NCALD: variants seen among roughly 807,000 people sequenced by gnomAD.
NCALD encodes neurocalcin delta.
In NCALD, 10 loss-of-function variants were observed where a neutral mutation model predicts 18.6. That is an observed-to-expected ratio of 0.54 (90% CI 0.33 to 0.91). The LOEUF (loss-of-function observed/expected upper bound fraction) is 0.91, where lower values mean the gene tolerates loss of function less well. NCALD is among the 40% of genes least tolerant of loss of function. NCALD has a pLI of 0.03. For synonymous variants in NCALD, 88 were observed against 87.4 expected (o/e 1.01, Z -0.04); for missense variants, 184 against 247.6 (o/e 0.74, Z 1.72).
At chr8:101,989,942 C>A (rs1820978082) in intron 2 of NCALD, among the ~76,000 whole-genome samples, 1 of 152,180 alleles carries the variant, frequency 6.6e-6, no homozygotes, top group South Asian at 2.1e-4. Flanking sequence ...GTTAACACAG[C>A]CTTTCACATC....
intron 1 of NCALD, among the ~76,000 whole-genome samples, chr8:101,754,848 TTGAA>T (rs758322183): frequency 2.1e-3 from 324 of 152,006 alleles, no homozygotes; most frequent in African/African-American, 7.4e-3. Context: ...CATATGTTTA[TTGAA>T]TGAATGAATG....
chr8:101,745,327 CA>C (rs1254434375), intron 1 of NCALD, among the ~76,000 whole-genome samples: 1 of 152,112 alleles, frequency 6.6e-6, no homozygotes. Context: ...CAGCAGTTTT[CA>C]TTATGTGGAA....
intron 3 of NCALD, 85 bp downstream of exon 3, chr8:101,692,706 C>T: frequency 6.9e-7 from 1 of 1,448,936 alleles, no homozygotes; most frequent in Non-Finnish European, 9.5e-7. Flanking sequence ...CATTGAAGGG[C>T]CTCGAGTGGC....
intron 4 of NCALD, among the ~76,000 whole-genome samples, chr8:101,819,663 C>T (rs935185506): frequency 2.0e-5 from 3 of 152,166 alleles, no homozygotes; most frequent in Non-Finnish European, 2.9e-5. Context: ...ACACTCATCC[C>T]TCATATATAT....
intron 2 of NCALD, among the ~76,000 whole-genome samples, chr8:102,002,723 G>A (rs1051002419): frequency 2.0e-5 from 3 of 152,020 alleles, no homozygotes; most frequent in Non-Finnish European, 4.4e-5. Context: ...ATTAAGAAAC[G>A]CATTCAAAAC....
intron 4 of NCALD, among the ~76,000 whole-genome samples, chr8:101,870,565 CT>C (rs1206596481): frequency 6.6e-6 from 1 of 152,190 alleles, no homozygotes; most frequent in Non-Finnish European, 1.5e-5. Flanking sequence ...CTGTGAAACA[CT>C]TTAACTCAGT....
chr8:101,924,176 T>TA lies in NCALD; in HGVS notation c.-156-8319dup, dbSNP rs959876689. On this transcript the variant is annotated intron_variant, in intron 2 of 6. Coordinates refer to the NCALD transcript ENST00000311028. ...ATATGAAACTCTGAGAACATTTAGA[T>TA]AAAAATGGCTTTGAAAAGTTTTAAT... Among the ~76,000 whole-genome samples the TA allele has an allele frequency of 7.2e-5, 11 of 152,304 alleles. 1 individual carries two copies. The highest frequency in any genetic ancestry group is 7.2e-4 in the Admixed American group (11 of 15,294).
At chr8:101,904,656 A>C (rs555725467) in intron 3 of NCALD, among the ~76,000 whole-genome samples, 64 of 151,798 alleles carry the variant, frequency 4.2e-4, no homozygotes, top group African/African-American at 1.3e-3. Flanking sequence ...TTACAATTCT[A>C]TCTCTCTCCT....
chr8:101,760,462 A>T (rs1811065611), intron 1 of NCALD, among the ~76,000 whole-genome samples: 1 of 152,198 alleles, frequency 6.6e-6, no homozygotes, highest in South Asian at 2.1e-4. Context: ...ACCTCCATTC[A>T]TCCTAAAGTA....
chr8:101,945,280 G>T (rs1819123461), intron 2 of NCALD, among the ~76,000 whole-genome samples: 1 of 152,184 alleles, frequency 6.6e-6, no homozygotes, highest in African/African-American at 2.4e-5. Flanking sequence ...GGGGATAGAA[G>T]ATCAAAATAG....
intron 4 of NCALD, among the ~76,000 whole-genome samples, chr8:101,863,016 C>T (rs766564241): frequency 1.3e-5 from 2 of 152,144 alleles, no homozygotes; most frequent in Non-Finnish European, 2.9e-5. Flanking sequence ...GTGTGTAAGT[C>T]CTCACAGCTC....
chr8:102,027,929 C>T (rs1822519893), intron 1 of NCALD, among the ~76,000 whole-genome samples: 1 of 152,100 alleles, frequency 6.6e-6, no homozygotes, highest in Non-Finnish European at 1.5e-5. Context: ...ATCCAAAGAC[C>T]AGCAGCATGG....
chr8:101,963,887 G>A (rs191372633), intron 2 of NCALD, among the ~76,000 whole-genome samples: 50 of 152,080 alleles, frequency 3.3e-4, no homozygotes, highest in Middle Eastern at 6.8e-3. Context: ...TCACTGATAC[G>A]GAAAGGATCT....
intron 4 of NCALD, among the ~76,000 whole-genome samples, chr8:101,803,043 T>C (rs1812929787): frequency 6.6e-6 from 1 of 152,132 alleles, no homozygotes; most frequent in Non-Finnish European, 1.5e-5. Context: ...TGAAATCGCC[T>C]CTGATTGGAA....
At chr8:101,723,335 T>C (rs16918454) in intron 1 of NCALD, among the ~76,000 whole-genome samples, 1,713 of 152,276 alleles carry the variant, frequency 0.011, 41 homozygotes, top group African/African-American at 0.037. Flanking sequence ...AGAGACTTAT[T>C]GCTTTAAGTA....
chr8:101,813,741 A>G (rs1423183024), intron 4 of NCALD, among the ~76,000 whole-genome samples: 1 of 152,100 alleles, frequency 6.6e-6, no homozygotes, highest in Non-Finnish European at 1.5e-5. Context: ...ACATCTGCAG[A>G]AACTAGACAT....
intron 4 of NCALD, among the ~76,000 whole-genome samples, chr8:101,838,918 A>G (rs1017850041): frequency 2.0e-5 from 3 of 152,224 alleles, no homozygotes; most frequent in Admixed American, 1.3e-4. Context: ...CAGAGACTTG[A>G]GATGTTTTTC....
chr8:102,084,419 G>A lies in NCALD; in HGVS notation c.-210+39818C>T, dbSNP rs539905484. ...TTATTAAGAAGTTTAGAGCAGAAAC[G>A]AAAGGAAGTCAAGTACACTTGGAAG... On this transcript the variant is annotated intron_variant, in intron 1 of 6. Transcript: ENST00000311028. Among the ~76,000 whole-genome samples the A allele has an allele frequency of 8.5e-4, 130 of 152,334 alleles. 1 individual carries two copies. The highest frequency in any genetic ancestry group is 1.2e-3 in the Non-Finnish European group (80 of 68,024).
chr8:101,846,617 A>G (rs185731994), intron 4 of NCALD, among the ~76,000 whole-genome samples: 72 of 152,292 alleles, frequency 4.7e-4, no homozygotes, highest in Admixed American at 4.3e-3. Flanking sequence ...AACACATCCC[A>G]GACCACTCTG....
Sources: allele counts gnomAD v4.1 joint callset (sites outside exome capture counted in the v4.1 genomes callset), GRCh38; gene constraint gnomAD v4.1.1; transcripts MANE v1.5; gene names NCBI Gene and HGNC (gene_info 2026-07-23, HGNC 2026-07-21).